UBE2L3: variants seen among roughly 807,000 people sequenced by gnomAD.
UBE2L3 encodes ubiquitin-conjugating enzyme E2 L3.
Under a neutral mutation model 17.8 loss-of-function variants are expected in UBE2L3, and 1 was observed. The observed-to-expected ratio is 0.06, with a 90% CI of 0.02 to 0.27. The LOEUF is 0.27. Ranked by LOEUF, UBE2L3 falls within the 10% of genes least tolerant of loss-of-function variation. The probability of loss-of-function intolerance (pLI) is 1.00; values close to 1 mark genes in which losing one functional copy is unlikely to be tolerated. For synonymous variants in UBE2L3, 44 were observed against 68.5 expected (o/e 0.64, Z 1.76); for missense variants, 40 against 192.6 (o/e 0.21, Z 4.69).
intron 2 of UBE2L3, among the ~76,000 whole-genome samples, chr22:21,607,495 A>T (rs1196112435): frequency 6.8e-6 from 1 of 147,334 alleles, no homozygotes; most frequent in Admixed American, 6.9e-5. Flanking sequence ...AGCCTGGGCG[A>T]CAGAGCGAGA....
chr22:21,556,699 C>A (rs1027449747), intron 1 of UBE2L3, among the ~76,000 whole-genome samples: 1 of 150,824 alleles, frequency 6.6e-6, no homozygotes, highest in African/African-American at 2.5e-5. Flanking sequence ...TGACCTCGAG[C>A]AATCCACCTG....
At chr22:21,593,086 C>T (rs1442968059) in intron 2 of UBE2L3, 130 bp downstream of exon 2, 12 of 738,148 alleles carry the variant, frequency 1.6e-5, no homozygotes, top group African/African-American at 1.0e-4. Flanking sequence ...AAGTGGCTGT[C>T]GCTCTAGGGT....
intron 3 of UBE2L3, 31 bp downstream of exon 3, chr22:21,611,074 G>C: frequency 6.5e-7 from 1 of 1,541,974 alleles, no homozygotes. Flanking sequence ...TTCCTCGGAG[G>C]GGGTCTTTGG....
chr22:21,614,723 C>T, intron 3 of UBE2L3: 4 of 1,131,162 alleles, frequency 3.5e-6, no homozygotes, highest in Admixed American at 2.2e-5. Context: ...CCAGCAATTC[C>T]ACTCTTAGCT....
chr22:21,564,344 AG>A (rs1926559996), upstream of UBE2L3, among the ~76,000 whole-genome samples: 1 of 152,054 alleles, frequency 6.6e-6, no homozygotes, highest in African/African-American at 2.4e-5. Flanking sequence ...TTCTGATGGG[AG>A]GCTTGGGCAG....
intron 1 of UBE2L3, among the ~76,000 whole-genome samples, chr22:21,584,374 A>G (rs1200517722): frequency 6.8e-6 from 1 of 146,058 alleles, no homozygotes; most frequent in Non-Finnish European, 1.5e-5. Flanking sequence ...ATGGGGTTTC[A>G]CCATATTGGC....
At chr22:21,609,820 G>C (rs1929381103) in intron 2 of UBE2L3, among the ~76,000 whole-genome samples, 1 of 152,160 alleles carries the variant, frequency 6.6e-6, no homozygotes, top group Admixed American at 6.5e-5. Flanking sequence ...GAGGTCAGGA[G>C]TTCAAGACCA....
At chr22:21,582,986 A>G (rs1050029761) in intron 1 of UBE2L3, among the ~76,000 whole-genome samples, 5 of 152,052 alleles carry the variant, frequency 3.3e-5, no homozygotes, top group African/African-American at 9.7e-5. Context: ...CCCTGTACCC[A>G]TCTAAGCCCT....
chr22:21,604,146 A>G (rs1364473852), intron 2 of UBE2L3, among the ~76,000 whole-genome samples: 2 of 152,122 alleles, frequency 1.3e-5, no homozygotes, highest in Non-Finnish European at 2.9e-5. Context: ...GAGCTTAGGG[A>G]GCACAAGACA....
At chr22:21,598,436 T>TTTGACCCATTGCTTGTTA (rs1490657828) in intron 2 of UBE2L3, among the ~76,000 whole-genome samples, 61 of 152,034 alleles carry the variant, frequency 4.0e-4, no homozygotes, top group Admixed American at 2.6e-4. Flanking sequence ...TGATTTCTTC[T>TTTGACCCATTGCTTGTTA]TTGACCCATT....
chr22:21,609,859 C>G (rs1026781382), intron 2 of UBE2L3, among the ~76,000 whole-genome samples: 4 of 152,000 alleles, frequency 2.6e-5, no homozygotes, highest in Non-Finnish European at 4.4e-5. Flanking sequence ...AACCGCATGT[C>G]TACTAAAGAT....
rs185237854 is a variant in UBE2L3 at position 21,588,382 on chromosome 22, G to C, written c.28-4479G>C. 2.4e-3 allele frequency among the ~76,000 whole-genome samples: 363 copies of C among 151,852 alleles called. 3 individuals carry two copies. The highest frequency in any genetic ancestry group is 7.8e-3 in the African/African-American group (325 of 41,430). ...TTGCTTGAGGGTTTACAACCATCTT[G>C]AGGGTTTGAGTCATCTGGCCTTTTG... On this transcript the variant is annotated intron_variant, in intron 1 of 3. Transcript: ENST00000342192.
chr22:21,587,282 C>G (rs1458982531), intron 1 of UBE2L3, among the ~76,000 whole-genome samples: 1 of 150,358 alleles, frequency 6.7e-6, no homozygotes, highest in Non-Finnish European at 1.5e-5. Context: ...CCTCCGACTC[C>G]CTGGTTCAAG....
chr22:21,580,055 T>C (rs1282808871), intron 1 of UBE2L3, among the ~76,000 whole-genome samples: 1 of 152,238 alleles, frequency 6.6e-6, no homozygotes, highest in Non-Finnish European at 1.5e-5. Context: ...TGTTCATGTT[T>C]TTGTTGATGT....
intron 1 of UBE2L3, among the ~76,000 whole-genome samples, chr22:21,577,281 T>G (rs1927367600): frequency 6.6e-6 from 1 of 152,102 alleles, no homozygotes; most frequent in African/African-American, 2.4e-5. Flanking sequence ...TTTTTGCATT[T>G]TTTAGTAGAG....
chr22:21,589,985 T>A (rs1461437947), intron 1 of UBE2L3, among the ~76,000 whole-genome samples: 1 of 152,148 alleles, frequency 6.6e-6, no homozygotes, highest in Non-Finnish European at 1.5e-5. Context: ...TTTATCTTTG[T>A]CTGTGGATCC....
chr22:21,561,809 T>G (rs1347786883), intron 1 of UBE2L3, among the ~76,000 whole-genome samples: 1 of 152,088 alleles, frequency 6.6e-6, no homozygotes, highest in Non-Finnish European at 1.5e-5. Flanking sequence ...CAGAGGGAGG[T>G]TGAGGCAAAG....
intron 1 of UBE2L3, among the ~76,000 whole-genome samples, chr22:21,585,604 G>A (rs1927892517): frequency 6.6e-6 from 1 of 152,210 alleles, no homozygotes; most frequent in African/African-American, 2.4e-5. Context: ...TGAGAGAAAG[G>A]AGCATCCCTT....
intron 2 of UBE2L3, among the ~76,000 whole-genome samples, chr22:21,594,426 T>G (rs1353905196): frequency 1.3e-5 from 2 of 152,034 alleles, no homozygotes; most frequent in African/African-American, 4.8e-5. Context: ...CTGTAGATGC[T>G]TTCTTCTTGA....
Sources: allele counts gnomAD v4.1 joint callset (sites outside exome capture counted in the v4.1 genomes callset), GRCh38; gene constraint gnomAD v4.1.1; transcripts MANE v1.5; gene names NCBI Gene and HGNC (gene_info 2026-07-23, HGNC 2026-07-21).